NEGR1: variants seen among roughly 807,000 people sequenced by gnomAD.
NEGR1 encodes neuronal growth regulator 1.
NEGR1 carries 10 observed loss-of-function variants against 40.9 expected under a neutral mutation model. The ratio of observed to expected loss-of-function variants is 0.24; its 90% CI spans 0.15 to 0.42. The LOEUF is 0.42. Ranked by LOEUF, NEGR1 falls within the 10% of genes least tolerant of loss-of-function variation. The pLI, the probability that NEGR1 is intolerant of heterozygous loss-of-function variation, is 1.00. For missense variants in NEGR1, 352 were observed against 438.9 expected, an observed-to-expected ratio of 0.80 and a Z score of 1.77; for synonymous variants, 185 against 166.8, an observed-to-expected ratio of 1.11 and a Z score of -0.84.
At chr1:71,412,261 A>T (rs958092334) in intron 6 of NEGR1, among the ~76,000 whole-genome samples, 1 of 152,122 alleles carries the variant, frequency 6.6e-6, no homozygotes, top group Non-Finnish European at 1.5e-5. Flanking sequence ...TCCTTTGTGC[A>T]TGCAACCTCC....
intron 1 of NEGR1, among the ~76,000 whole-genome samples, chr1:71,976,316 T>A (rs1412897169): frequency 6.6e-6 from 1 of 152,204 alleles, no homozygotes; most frequent in East Asian, 1.9e-4. Context: ...GCGGATCCCA[T>A]CAGCTTATGC....
intron 3 of NEGR1, among the ~76,000 whole-genome samples, chr1:71,772,153 A>G (rs564449645): frequency 6.6e-6 from 1 of 152,232 alleles, no homozygotes; most frequent in East Asian, 1.9e-4. Flanking sequence ...GGACATAACT[A>G]GAAATCTCAT....
intron 1 of NEGR1, among the ~76,000 whole-genome samples, chr1:72,072,718 C>T (rs375553316): frequency 3.3e-5 from 5 of 150,116 alleles, no homozygotes; most frequent in South Asian, 4.2e-4. Flanking sequence ...GCAAAGGCAT[C>T]GATCTGAGCT....
chr1:72,136,676 G>C (rs1469456073), intron 1 of NEGR1, among the ~76,000 whole-genome samples: 2 of 140,676 alleles, frequency 1.4e-5, no homozygotes, highest in Non-Finnish European at 1.5e-5. Flanking sequence ...AAAAATCCAA[G>C]CACAAGATGG....
chr1:71,563,961 A>G (rs931595063), intron 6 of NEGR1, among the ~76,000 whole-genome samples: 2 of 149,390 alleles, frequency 1.3e-5, no homozygotes, highest in Admixed American at 1.3e-4. Context: ...TCGGGGAGGA[A>G]AAAAAAAAAG....
intron 1 of NEGR1, among the ~76,000 whole-genome samples, chr1:72,226,954 GC>G (rs1654209651): frequency 6.6e-6 from 1 of 151,946 alleles, no homozygotes; most frequent in Non-Finnish European, 1.5e-5. Flanking sequence ...TAGCTACCAA[GC>G]TGATCTCTTT....
At chr1:71,453,982 C>T (rs960750426) in intron 6 of NEGR1, among the ~76,000 whole-genome samples, 6 of 152,180 alleles carry the variant, frequency 3.9e-5, no homozygotes, top group African/African-American at 1.2e-4. Flanking sequence ...GTTTTTTACC[C>T]ACAAACACTG....
chr1:71,907,989 G>A (rs529085518), intron 2 of NEGR1, among the ~76,000 whole-genome samples: 57 of 152,022 alleles, frequency 3.7e-4, no homozygotes, highest in Middle Eastern at 3.4e-3. Context: ...CAATAGACAC[G>A]GGGGTCTACT....
In NEGR1 at chr1:71,491,015, A is replaced by G. The variant is rs183590428; in HGVS notation, c.941-83445T>C. 5.9e-5 allele frequency among the ~76,000 whole-genome samples: 9 copies of G among 152,132 alleles called. No individual in the cohort carries two copies. In the East Asian group the frequency reaches 1.2e-3, roughly 20 times the overall value. ...CACAGGAGTTCTTAGCACAATTACC[A>G]TGACAAGTGCTCACGTAATGTTTAT... On this transcript the variant is annotated intron_variant, in intron 6 of 6. Coordinates refer to ENST00000357731, the MANE Select transcript of NEGR1 (RefSeq NM_173808.3).
intron 4 of NEGR1, among the ~76,000 whole-genome samples, chr1:71,618,043 G>C (rs1266995733): frequency 6.6e-6 from 1 of 152,202 alleles, no homozygotes; most frequent in Non-Finnish European, 1.5e-5. Context: ...GGCAGATAAA[G>C]TGGCTGCATT....
At chr1:72,028,081 C>T (rs1165718207) in intron 1 of NEGR1, among the ~76,000 whole-genome samples, 1 of 152,322 alleles carries the variant, frequency 6.6e-6, no homozygotes, top group East Asian at 1.9e-4. Flanking sequence ...TAAAAATTGA[C>T]TTCCCAAATC....
chr1:71,577,049 T>C (rs1648986680), intron 6 of NEGR1, among the ~76,000 whole-genome samples: 1 of 152,348 alleles, frequency 6.6e-6, no homozygotes, highest in South Asian at 2.1e-4. Flanking sequence ...CACTTGCCAC[T>C]GTTTCTAATT....
intron 4 of NEGR1, among the ~76,000 whole-genome samples, chr1:71,652,536 A>C (rs1409841031): frequency 6.6e-6 from 1 of 152,188 alleles, no homozygotes; most frequent in Admixed American, 6.5e-5. Flanking sequence ...TACAGACACC[A>C]TAGGGCCAAC....
intron 6 of NEGR1, among the ~76,000 whole-genome samples, chr1:71,559,421 T>C (rs1648368794): frequency 6.6e-6 from 1 of 151,602 alleles, no homozygotes; most frequent in South Asian, 2.1e-4. Context: ...GATTCATTTG[T>C]TACACAGTTA....
At chr1:72,212,478 C>T (rs1246928623) in intron 1 of NEGR1, among the ~76,000 whole-genome samples, 1 of 151,846 alleles carries the variant, frequency 6.6e-6, no homozygotes, top group African/African-American at 2.4e-5. Context: ...ATCAAAAGCC[C>T]AACAACAATC....
intron 1 of NEGR1, among the ~76,000 whole-genome samples, chr1:72,279,865 A>C (rs190273939): frequency 2.6e-5 from 4 of 152,340 alleles, no homozygotes; most frequent in Admixed American, 2.0e-4. Flanking sequence ...ACGTTAAATT[A>C]GTTTAAAACC....
chr1:72,006,185 T>C (rs1646604995), intron 1 of NEGR1, among the ~76,000 whole-genome samples: 1 of 152,164 alleles, frequency 6.6e-6, no homozygotes, highest in South Asian at 2.1e-4. Flanking sequence ...GCAGAATAGA[T>C]TTCTATTTTC....
intron 4 of NEGR1, among the ~76,000 whole-genome samples, chr1:71,640,785 A>AGG (rs1392080883): frequency 6.6e-6 from 1 of 151,952 alleles, no homozygotes; most frequent in Non-Finnish European, 1.5e-5. Flanking sequence ...GAGTGACCAA[A>AGG]TATCTTCTCT....
intron 2 of NEGR1, among the ~76,000 whole-genome samples, chr1:71,877,771 TA>T (rs1485364572): frequency 6.6e-5 from 10 of 152,132 alleles, no homozygotes; most frequent in Non-Finnish European, 4.4e-5. Flanking sequence ...ATGAAAACAA[TA>T]AAAAATTGCT....
Sources: gnomAD v4.1 joint callset for allele counts (sites outside exome capture counted in the v4.1 genomes callset) on GRCh38, gnomAD v4.1.1 for gene constraint, MANE v1.5 for transcripts, NCBI Gene and HGNC (gene_info 2026-07-23, HGNC 2026-07-21) for gene names.